The following NRXN3 variants were observed in gnomAD, a reference collection of about 807,000 sequenced individuals.
NRXN3 encodes neurexin 3.
Under a neutral mutation model 137.6 loss-of-function variants are expected in NRXN3, and 32 were observed. The observed-to-expected ratio is 0.23, with a 90% CI of 0.18 to 0.31. The LOEUF is 0.31. Among genes scored for constraint, NRXN3 ranks in the 10% least tolerant of loss-of-function variants. The probability of loss-of-function intolerance (pLI) is 1.00; values close to 1 mark genes in which losing one functional copy is unlikely to be tolerated. For synonymous variants in NRXN3, 798 were observed against 784.5 expected (o/e 1.02, Z -0.29); for missense variants, 1,574 against 2,062.5 (o/e 0.76, Z 4.59).
In NRXN3 at chr14:79,028,147, A is replaced by G. The variant is rs1477864483; in HGVS notation, c.3262+40006A>G. Among the ~76,000 whole-genome samples, 3 of 152,160 alleles carry G rather than the reference A, an allele frequency of 2.0e-5. No individual in the cohort carries two copies. The East Asian group carries it at 5.8e-4, about 29-fold the overall frequency. On this transcript the variant is annotated intron_variant, in intron 15 of 20. Transcript: ENST00000335750. ...TATTATTATGTTGAGGTATGCTGAA[A>G]GTTAGTGGCAGAAACAGGACCAGAA... is the stretch of plus-strand genomic sequence containing the variant.
chr14:78,702,552 C>A (rs1187356175), intron 6 of NRXN3, among the ~76,000 whole-genome samples: 2 of 150,892 alleles, frequency 1.3e-5, no homozygotes, highest in Non-Finnish European at 2.9e-5. Context: ...TCAAGTGATT[C>A]TCCCACTGCA....
intron 15 of NRXN3, among the ~76,000 whole-genome samples, chr14:79,251,085 T>C (rs975502598): frequency 2.0e-5 from 3 of 152,188 alleles, no homozygotes; most frequent in African/African-American, 4.8e-5. Flanking sequence ...GGCTAGTTTG[T>C]AGAGGATTTT....
chr14:78,265,197 T>C (rs1490896281), intron 2 of NRXN3, among the ~76,000 whole-genome samples: 1 of 152,144 alleles, frequency 6.6e-6, no homozygotes, highest in Admixed American at 6.6e-5. Context: ...GGGGCAGGAG[T>C]AGAGAATCCT....
chr14:78,411,225 T>A (rs1026550208), intron 4 of NRXN3, among the ~76,000 whole-genome samples: 6 of 152,210 alleles, frequency 3.9e-5, no homozygotes, highest in Non-Finnish European at 5.9e-5. Context: ...ACGCAGCACA[T>A]GACTTCACAA....
intron 16 of NRXN3, chr14:79,632,323 C>A: frequency 6.4e-6 from 1 of 156,594 alleles, no homozygotes; most frequent in Non-Finnish European, 1.4e-5. Context: ...AGACCAAGAG[C>A]CCACCAATTC....
chr14:79,523,380 A>G (rs1403690446), intron 16 of NRXN3, among the ~76,000 whole-genome samples: 1 of 152,196 alleles, frequency 6.6e-6, no homozygotes, highest in East Asian at 1.9e-4. Flanking sequence ...ATGTTTATAT[A>G]CAAAAGAGAT....
chr14:78,860,965 G>T (rs1012596768), intron 10 of NRXN3, among the ~76,000 whole-genome samples: 2 of 152,016 alleles, frequency 1.3e-5, no homozygotes, highest in African/African-American at 2.4e-5. Flanking sequence ...TTATTCAGGG[G>T]TCGACTGTAC....
chr14:79,081,696 C>T (rs377215476), intron 15 of NRXN3, among the ~76,000 whole-genome samples: 17 of 151,422 alleles, frequency 1.1e-4, no homozygotes, highest in Admixed American at 2.0e-4. Flanking sequence ...AGATAAATTA[C>T]TATACGGTAC....
Position 78,278,660 on chromosome 14 carries a change from C to T in NRXN3, c.725C>T (p.Pro242Leu), listed in dbSNP as rs1476044664. 3 of 1,535,168 alleles carry T rather than the reference C, an allele frequency of 2.0e-6. No homozygotes were observed. The highest frequency in any genetic ancestry group is 1.7e-6 in the Non-Finnish European group (2 of 1,146,466). The change falls in exon 3 of 21, where the codon CCA (proline) becomes CTA (leucine). Residue 242 changes from proline (P) to leucine (L), a missense_variant and splice_region_variant. Around this residue, in one of 5 missense-constraint regions of NRXN3, gnomAD observed 400 missense variants for 527.3 expected, o/e 0.76. Coordinates refer to ENST00000335750, the MANE Select transcript of NRXN3 (RefSeq NM_001330195.2). Reference sequence around the variant, plus strand: ...GCTGCCACAGATGTCAGTCAAGATCCAGGTGAGTCTTTGTGTTTGCACAGC... The same window carrying T: ...GCTGCCACAGATGTCAGTCAAGATCTAGGTGAGTCTTTGTGTTTGCACAGC... ...KLCSEDVSQDPGLSHLMMSEQ... is the reference protein window; with the variant it reads ...KLCSEDVSQDLGLSHLMMSEQ...
At chr14:78,657,301 C>T (rs549803459) in intron 6 of NRXN3, among the ~76,000 whole-genome samples, 1 of 152,216 alleles carries the variant, frequency 6.6e-6, no homozygotes, top group East Asian at 1.9e-4. Context: ...GAGTAGGGTC[C>T]CCATCAGGCT....
At chr14:78,450,543 C>T (rs949379202) in intron 4 of NRXN3, among the ~76,000 whole-genome samples, 1 of 152,164 alleles carries the variant, frequency 6.6e-6, no homozygotes. Context: ...ATAACTTCCT[C>T]CCTACCTGGA....
At chr14:78,270,503 C>T (rs1290715075) in intron 2 of NRXN3, among the ~76,000 whole-genome samples, 4 of 152,130 alleles carry the variant, frequency 2.6e-5, no homozygotes, top group African/African-American at 4.8e-5. Context: ...CTCACCCTGC[C>T]GTGTGGGAGA....
chr14:78,746,141 T>C (rs1485455531), intron 8 of NRXN3, among the ~76,000 whole-genome samples: 1 of 152,242 alleles, frequency 6.6e-6, no homozygotes, highest in Non-Finnish European at 1.5e-5. Flanking sequence ...AGATAGGCCA[T>C]GGCTTGCTAG....
intron 4 of NRXN3, among the ~76,000 whole-genome samples, chr14:78,615,319 G>A (rs2097336711): frequency 6.6e-6 from 1 of 152,056 alleles, no homozygotes; most frequent in South Asian, 2.1e-4. Flanking sequence ...TAAGATCCAG[G>A]GCCGGGCGCG....
intron 4 of NRXN3, among the ~76,000 whole-genome samples, chr14:78,601,106 C>G (rs965626184): frequency 5.3e-5 from 8 of 152,156 alleles, no homozygotes; most frequent in African/African-American, 1.9e-4. Flanking sequence ...ATGCTAATCC[C>G]TGAAAGAAAA....
At chr14:79,178,683 A>C (rs1294013298) in intron 15 of NRXN3, among the ~76,000 whole-genome samples, 1 of 152,224 alleles carries the variant, frequency 6.6e-6, no homozygotes, top group Non-Finnish European at 1.5e-5. Context: ...GGATAGATTA[A>C]AAATACAAGA....
chr14:78,271,582 G>C (rs116042377), intron 2 of NRXN3, among the ~76,000 whole-genome samples: 1,878 of 152,200 alleles, frequency 0.012, 37 homozygotes, highest in African/African-American at 0.042. Flanking sequence ...CCTCAAGCCA[G>C]AGCCACTGCA....
rs574716352 is a variant in NRXN3 at position 79,713,164 on chromosome 14, CTTTTTTTT to C, written c.4014+15246_4014+15253del. ...AATTCCTTGACTGCACTGATTTTTACTTTTTTTTTTTTTTTTTTTTTTTTTTACCCTCT... is the reference window on the plus strand; with the variant it reads ...AATTCCTTGACTGCACTGATTTTTACTTTTTTTTTTTTTTTTTTACCCTCT... On this transcript the variant is annotated intron_variant, in intron 19 of 20. Transcript: ENST00000335750. Among the ~76,000 whole-genome samples the C allele has an allele frequency of 1.6e-3, 128 of 80,894 alleles. 2 individuals carry two copies. In the South Asian group the frequency reaches 0.022, roughly 14 times the overall value. The allele number at this position is 80,894 out of a possible 152,430, so 53.1% of individuals were successfully genotyped here. A position where few individuals can be genotyped will look rare whatever the true frequency, so the allele number is the denominator to read the frequency against.
chr14:79,788,682 C>T (rs1319478826), intron 19 of NRXN3, among the ~76,000 whole-genome samples: 4 of 152,128 alleles, frequency 2.6e-5, no homozygotes, highest in African/African-American at 9.7e-5. Flanking sequence ...ATAGTTGCCT[C>T]TAGAAGAAGT....
Sources: gnomAD v4.1 joint callset for allele counts (sites outside exome capture counted in the v4.1 genomes callset) on GRCh38, gnomAD v4.1.1 for gene constraint, gnomAD v4.1.1 regional missense constraint, MANE v1.5 for transcripts, NCBI Gene and HGNC (gene_info 2026-07-23, HGNC 2026-07-21) for gene names.